Variants in SHISA9 observed in about 807,000 individuals in gnomAD.
The protein encoded by SHISA9 is protein shisa-9.
Under a neutral mutation model 38.0 loss-of-function variants are expected in SHISA9, and 13 were observed. That is an observed-to-expected ratio of 0.34 (90% CI 0.22 to 0.54). The LOEUF (loss-of-function observed/expected upper bound fraction) is 0.54. Among genes scored for constraint, SHISA9 ranks in the 20% least tolerant of loss-of-function variants. The pLI, the probability that SHISA9 is intolerant of heterozygous loss-of-function variation, is 0.91. For synonymous variants in SHISA9, 275 were observed against 242.0 expected, an observed-to-expected ratio of 1.14 and a Z score of -1.27; for missense variants, 538 against 575.8, an observed-to-expected ratio of 0.93 and a Z score of 0.67.
intron 2 of SHISA9, among the ~76,000 whole-genome samples, chr16:13,014,330 A>T (rs1298030454): frequency 1.3e-5 from 2 of 152,178 alleles, no homozygotes; most frequent in African/African-American, 4.8e-5. Flanking sequence ...GTGAGTTATA[A>T]ATCTCAAAGA....
At chr16:13,542,677 T>G in the SHISA9 span, among the ~76,000 whole-genome samples, 2 of 152,204 alleles carry the variant, frequency 1.3e-5, no homozygotes, top group Non-Finnish European at 2.9e-5. Context: ...AATGCACATG[T>G]GTTTCAATCC....
chr16:13,356,800 C>T, the SHISA9 span, among the ~76,000 whole-genome samples: 9 of 152,150 alleles, frequency 5.9e-5, no homozygotes, highest in African/African-American at 9.7e-5. Context: ...GCCTGGACGT[C>T]AGGCACCTCA....
intron 2 of SHISA9, among the ~76,000 whole-genome samples, chr16:13,158,448 C>T (rs1365947337): frequency 6.6e-6 from 1 of 152,158 alleles, no homozygotes; most frequent in Admixed American, 6.5e-5. Flanking sequence ...CCAGAACTAC[C>T]CCCAAAACCA....
the SHISA9 span, among the ~76,000 whole-genome samples, chr16:13,438,549 T>G: frequency 3.9e-5 from 6 of 152,174 alleles, no homozygotes; most frequent in Non-Finnish European, 7.3e-5. Flanking sequence ...AGCTGACACT[T>G]TGGAGAGAAA....
At chr16:13,023,505 C>A (rs1461185652) in intron 2 of SHISA9, among the ~76,000 whole-genome samples, 1 of 152,150 alleles carries the variant, frequency 6.6e-6, no homozygotes, top group African/African-American at 2.4e-5. Context: ...TTTATAGTAG[C>A]ATGATTTATA....
the SHISA9 span, among the ~76,000 whole-genome samples, chr16:13,478,752 C>A: frequency 9.2e-5 from 14 of 152,114 alleles, no homozygotes; most frequent in Admixed American, 5.2e-4. Context: ...TCGGTACAGG[C>A]TAGATAATTG....
the SHISA9 span, among the ~76,000 whole-genome samples, chr16:13,508,386 A>T: frequency 6.6e-6 from 1 of 152,182 alleles, no homozygotes; most frequent in Non-Finnish European, 1.5e-5. Flanking sequence ...ATATTTTGCT[A>T]TTGGAAATAA....
the SHISA9 span, among the ~76,000 whole-genome samples, chr16:13,491,416 C>T: frequency 1.4e-5 from 2 of 147,190 alleles, no homozygotes; most frequent in Non-Finnish European, 3.0e-5. Flanking sequence ...TGGAGACTTT[C>T]CTGATGGTGA....
chr16:12,942,807 G>A (rs966057750), intron 2 of SHISA9, among the ~76,000 whole-genome samples: 9 of 152,130 alleles, frequency 5.9e-5, no homozygotes, highest in African/African-American at 1.9e-4. Context: ...GTAGTATGCC[G>A]TAGTCTTTTA....
At chr16:13,331,500 T>C in the SHISA9 span, 1 of 152,206 alleles carries the variant, frequency 6.6e-6, no homozygotes, top group South Asian at 2.1e-4. Context: ...AATCACATTA[T>C]ACATAATACA....
the SHISA9 span, among the ~76,000 whole-genome samples, chr16:13,429,864 A>G: frequency 6.6e-6 from 1 of 152,222 alleles, no homozygotes; most frequent in Non-Finnish European, 1.5e-5. Context: ...TGTCCTTGTT[A>G]TGAGCTAAAT....
intron 2 of SHISA9, among the ~76,000 whole-genome samples, chr16:13,127,131 GGAGA>G (rs144271484): frequency 4.9e-5 from 7 of 143,720 alleles, no homozygotes; most frequent in East Asian, 2.2e-4. Flanking sequence ...AGAGAGGGAG[GGAGA>G]GAGAGAGAGA....
intron 2 of SHISA9, among the ~76,000 whole-genome samples, chr16:12,935,321 T>C (rs766251965): frequency 6.6e-5 from 10 of 152,236 alleles, no homozygotes; most frequent in Non-Finnish European, 1.3e-4. Flanking sequence ...TTGGTATCTG[T>C]CCAAGTCATT....
At chr16:13,173,165 A>G (rs1366605937) in intron 2 of SHISA9, among the ~76,000 whole-genome samples, 2 of 152,176 alleles carry the variant, frequency 1.3e-5, no homozygotes, top group African/African-American at 2.4e-5. Flanking sequence ...ACACACACAC[A>G]CACACACACA....
At chr16:13,299,237 G>A in the SHISA9 span, among the ~76,000 whole-genome samples, 3 of 152,148 alleles carry the variant, frequency 2.0e-5, no homozygotes, top group Non-Finnish European at 4.4e-5. Flanking sequence ...ACTCATTAGC[G>A]CTTCCCTTGT....
chr16:13,447,937 A>T, the SHISA9 span, among the ~76,000 whole-genome samples: 8 of 152,226 alleles, frequency 5.3e-5, no homozygotes, highest in Non-Finnish European at 1.0e-4. Context: ...TACAAAAGTC[A>T]TTAGGTGAGG....
chr16:13,304,318 G>A, the SHISA9 span, among the ~76,000 whole-genome samples: 1 of 152,248 alleles, frequency 6.6e-6, no homozygotes, highest in Admixed American at 6.5e-5. Flanking sequence ...CTGTGTAGTA[G>A]CATGATCACG....
intron 2 of SHISA9, among the ~76,000 whole-genome samples, chr16:13,018,970 C>A (rs1351074317): frequency 1.3e-5 from 2 of 152,188 alleles, no homozygotes; most frequent in Non-Finnish European, 2.9e-5. Context: ...GTATCATAGA[C>A]TGAGTGCCTT....
intron 2 of SHISA9, among the ~76,000 whole-genome samples, chr16:13,035,080 C>A (rs934634367): frequency 6.6e-6 from 1 of 152,052 alleles, no homozygotes; most frequent in Non-Finnish European, 1.5e-5. Context: ...AAAATCTTTG[C>A]CCACTTAAAT....
Sources: gnomAD v4.1 joint callset for allele counts (sites outside exome capture counted in the v4.1 genomes callset) on GRCh38, gnomAD v4.1.1 for gene constraint, MANE v1.5 for transcripts, NCBI Gene and HGNC (gene_info 2026-07-23, HGNC 2026-07-21) for gene names.